Variants in GLIS3 observed in about 807,000 individuals in gnomAD.
GLIS3 encodes the protein GLIS family zinc finger 3.
In GLIS3, 53 loss-of-function variants were observed where a neutral mutation model predicts 78.6. The observed-to-expected ratio is 0.67, with a 90% confidence interval of 0.54 to 0.85. GLIS3 has a LOEUF of 0.85. Ranked by LOEUF, GLIS3 falls within the 40% of genes least tolerant of loss-of-function variation. The probability of loss-of-function intolerance (pLI) is 0.00; values close to 1 mark genes in which losing one functional copy is unlikely to be tolerated. For synonymous variants in GLIS3, 684 were observed against 509.9 expected (o/e 1.34, Z -4.60); for missense variants, 1,703 against 1,231.1 (o/e 1.38, Z -5.74).
At chr9:4,385,698 G>C in the GLIS3 span, among the ~76,000 whole-genome samples, 3 of 108,948 alleles carry the variant, frequency 2.8e-5, no homozygotes, top group East Asian at 7.5e-4. Context: ...AAGAAAGAAA[G>C]AAACAAAGAA....
intron 2 of GLIS3, among the ~76,000 whole-genome samples, chr9:4,269,134 C>G (rs922851355): frequency 6.6e-6 from 1 of 152,216 alleles, no homozygotes; most frequent in African/African-American, 2.4e-5. Flanking sequence ...CAAGACAACT[C>G]CAATCCTTCA....
Position 4,041,292 on chromosome 9 carries a change from A to G in GLIS3, c.1710+76476T>C, listed in dbSNP as rs571090519. ...TACCGGCCTCTATTTCCCTCTACCA[A>G]CTAGGGATAAGGGAAACTGCCAAAC... On this transcript the variant is annotated intron_variant, in intron 4 of 10. Coordinates refer to ENST00000381971, the MANE Select transcript of GLIS3 (RefSeq NM_001042413.2). Among the ~76,000 whole-genome samples, 5 of 152,328 alleles carry G rather than the reference A, an allele frequency of 3.3e-5. No homozygotes were observed. In the South Asian group the frequency reaches 8.3e-4, roughly 25 times the overall value.
rs543589536 is a variant in GLIS3, at chr9:4,077,916, T to C, written c.1710+39852A>G. ...TAAGTTTTAATAATTCCAATCTCTTTCCTTTGTTCCTATCTCAAGAGGGAA... is the reference window on the plus strand; with the variant it reads ...TAAGTTTTAATAATTCCAATCTCTTCCCTTTGTTCCTATCTCAAGAGGGAA... On this transcript the variant is annotated intron_variant, in intron 4 of 10. Transcript: ENST00000381971. Among the ~76,000 whole-genome samples the C allele has an allele frequency of 3.3e-5, 5 of 152,322 alleles. No homozygotes were observed. In the South Asian group the frequency reaches 1.0e-3, roughly 32 times the overall value.
chr9:4,198,549 T>C (rs1819073695), intron 2 of GLIS3, among the ~76,000 whole-genome samples: 1 of 152,050 alleles, frequency 6.6e-6, no homozygotes, highest in South Asian at 2.1e-4. Flanking sequence ...TTGAGAAATA[T>C]GGGATTATGT....
chr9:4,125,448 A>G (rs1186327137), intron 3 of GLIS3, among the ~76,000 whole-genome samples: 1 of 152,214 alleles, frequency 6.6e-6, no homozygotes, highest in African/African-American at 2.4e-5. Context: ...ACAAATTTAC[A>G]CACCGTGTTT....
intron 2 of GLIS3, among the ~76,000 whole-genome samples, chr9:4,142,789 A>T (rs868115538): frequency 6.6e-6 from 1 of 152,194 alleles, no homozygotes; most frequent in African/African-American, 2.4e-5. Context: ...ACTAACTCCA[A>T]ATTCTCAAAA....
intron 4 of GLIS3, among the ~76,000 whole-genome samples, chr9:4,111,014 G>A (rs1051846406): frequency 1.3e-5 from 2 of 152,062 alleles, no homozygotes; most frequent in East Asian, 1.9e-4. Flanking sequence ...GGTCACAAAG[G>A]GTGTTTCTAA....
At chr9:4,028,193 G>A (rs1391356129) in intron 4 of GLIS3, among the ~76,000 whole-genome samples, 2 of 152,130 alleles carry the variant, frequency 1.3e-5, no homozygotes, top group Non-Finnish European at 2.9e-5. Context: ...ACATATAGGA[G>A]CCTACGTATC....
chr9:3,979,903 C>T (rs767387192), intron 4 of GLIS3, among the ~76,000 whole-genome samples: 6 of 152,212 alleles, frequency 3.9e-5, no homozygotes, highest in South Asian at 2.1e-4. Flanking sequence ...TATATTCCAG[C>T]GGGGAGGAGC....
chr9:4,026,008 G>C (rs553352407), intron 4 of GLIS3, among the ~76,000 whole-genome samples: 2 of 152,226 alleles, frequency 1.3e-5, no homozygotes, highest in African/African-American at 2.4e-5. Context: ...TCATGATAGG[G>C]AAGAACAAAT....
the GLIS3 span, among the ~76,000 whole-genome samples, chr9:4,367,495 C>T: frequency 6.6e-6 from 1 of 151,876 alleles, no homozygotes; most frequent in African/African-American, 2.4e-5. Flanking sequence ...CATAACACTC[C>T]ATCTTAATTG....
chr9:4,216,861 TTA>T (rs1179113235), intron 2 of GLIS3, among the ~76,000 whole-genome samples: 1 of 152,194 alleles, frequency 6.6e-6, no homozygotes, highest in Non-Finnish European at 1.5e-5. Flanking sequence ...GTCACGTGCA[TTA>T]TGTTAAAAAT....
chr9:4,399,332 C>T, the GLIS3 span, among the ~76,000 whole-genome samples: 1 of 152,196 alleles, frequency 6.6e-6, no homozygotes, highest in Non-Finnish European at 1.5e-5. Context: ...ACTGCCTCTT[C>T]TGAGTATTCT....
chr9:4,252,546 G>T (rs1036020014), intron 2 of GLIS3, among the ~76,000 whole-genome samples: 1 of 152,016 alleles, frequency 6.6e-6, no homozygotes, highest in African/African-American at 2.4e-5. Flanking sequence ...CATTGGGTTA[G>T]AACTGCCCTT....
At chr9:3,910,231 G>C (rs1280796085) in intron 6 of GLIS3, among the ~76,000 whole-genome samples, 2 of 152,210 alleles carry the variant, frequency 1.3e-5, no homozygotes, top group African/African-American at 2.4e-5. Flanking sequence ...TATTTGAGAA[G>C]CTTCAAAATG....
chr9:3,930,073 T>C (rs1173334530), intron 6 of GLIS3, among the ~76,000 whole-genome samples: 1 of 152,242 alleles, frequency 6.6e-6, no homozygotes, highest in African/African-American at 2.4e-5. Context: ...GGGAATGACA[T>C]TTCCTTTTTC....
intron 2 of GLIS3, 140 bp downstream of exon 2, chr9:4,285,898 G>A (rs1459231358): frequency 5.8e-6 from 6 of 1,035,688 alleles, no homozygotes; most frequent in Non-Finnish European, 8.9e-6. Flanking sequence ...TACTGAGCAA[G>A]CTATATATCA....
At position 3,825,207 on chromosome 9, in the gene GLIS3, G is replaced by A. The variant is rs1433667728; in HGVS notation, c.*3065C>T. 2 of 152,084 alleles carry A rather than the reference G, an allele frequency of 1.3e-5. No homozygotes were observed. The highest frequency in any genetic ancestry group is 4.8e-5 in the African/African-American group (2 of 41,400). 9.4% of individuals were successfully genotyped at this position (152,084 alleles called of 1,614,324 possible). A position where few individuals can be genotyped will look rare whatever the true frequency, so the allele number is the denominator to read the frequency against. On this transcript the variant is annotated 3_prime_UTR_variant, in exon 11 of 11. Transcript: ENST00000381971. The stretch of plus-strand genomic sequence containing the variant: ...AACAAAGCCAACACTCTTATCAGTG[G>A]TAACTCTGCTGTGATCTACTAAAGA...
At chr9:4,069,952 C>G (rs770696805) in intron 4 of GLIS3, among the ~76,000 whole-genome samples, 3 of 152,060 alleles carry the variant, frequency 2.0e-5, no homozygotes, top group African/African-American at 4.8e-5. Context: ...CCAGCTGTCC[C>G]TGACATGACT....
Sources: allele counts gnomAD v4.1 joint callset (sites outside exome capture counted in the v4.1 genomes callset), GRCh38; gene constraint gnomAD v4.1.1; transcripts MANE v1.5; gene names NCBI Gene and HGNC (gene_info 2026-07-23, HGNC 2026-07-21).